WDFY1: variants seen among roughly 807,000 people sequenced by gnomAD.
The protein encoded by WDFY1 is WD repeat and FYVE domain-containing protein 1.
WDFY1 carries 32 observed loss-of-function variants against 56.4 expected under a neutral mutation model. The observed-to-expected ratio is 0.57, with a 90% CI of 0.43 to 0.76. The LOEUF is 0.76. Among genes scored for constraint, WDFY1 ranks in the 30% least tolerant of loss-of-function variants. The pLI is 0.00. For missense variants in WDFY1, 480 were observed against 545.7 expected (o/e 0.88, Z 1.20); for synonymous variants, 192 against 197.3 (o/e 0.97, Z 0.23).
intron 8 of WDFY1, among the ~76,000 whole-genome samples, chr2:223,888,935 G>A (rs1488160122): frequency 3.3e-5 from 4 of 121,064 alleles, no homozygotes; most frequent in African/African-American, 6.5e-5. Context: ...ATGGAGCCTC[G>A]CTCTGTCACC....
At chr2:223,933,807 A>G (rs1270447347) in intron 1 of WDFY1, among the ~76,000 whole-genome samples, 1 of 137,600 alleles carries the variant, frequency 7.3e-6, no homozygotes, top group Non-Finnish European at 1.6e-5. Context: ...ACAAAAAAAA[A>G]TCAAAAATTA....
At chr2:223,906,402 CAG>C (rs1693598960) in intron 3 of WDFY1, among the ~76,000 whole-genome samples, 1 of 152,192 alleles carries the variant, frequency 6.6e-6, no homozygotes. Context: ...ACAGTAAAAA[CAG>C]GGCACTGGGT....
Position 223,901,211 on chromosome 2 carries a change from A to T in WDFY1, c.457T>A (p.Phe153Ile). The T allele has an allele frequency of 6.2e-7, 1 of 1,614,124 alleles. No homozygotes were observed. Among genetic ancestry groups the T allele is most frequent in the Non-Finnish European group, 8.5e-7 (1 of 1,180,004 alleles). The part of the protein sequence containing the change: ...TRSGNMLGRH[F>I]FTSWASCLQY... Reference sequence around the variant, plus strand: ...AGACACGAAGCCCAGGACGTGAAGAAGTGCCTCCCGAGCATGTTCCCGCTC... The same window carrying T: ...AGACACGAAGCCCAGGACGTGAAGATGTGCCTCCCGAGCATGTTCCCGCTC... Residue 153 changes from phenylalanine (F) to isoleucine (I), a missense_variant, in exon 5 of 12, where the codon TTC becomes ATC. Transcript: ENST00000233055.
chr2:223,925,474 C>T (rs1693963981), intron 1 of WDFY1, among the ~76,000 whole-genome samples: 1 of 152,150 alleles, frequency 6.6e-6, no homozygotes, highest in Admixed American at 6.6e-5. Flanking sequence ...GAGGGGTAAT[C>T]ATTTTGCTGG....
At chr2:223,924,717 T>G (rs1057363209) in intron 1 of WDFY1, among the ~76,000 whole-genome samples, 10 of 152,216 alleles carry the variant, frequency 6.6e-5, no homozygotes, top group African/African-American at 1.9e-4. Context: ...TCATTTATTT[T>G]CCAAGTAAAT....
chr2:223,921,375 T>C (rs1693882246), intron 1 of WDFY1, among the ~76,000 whole-genome samples: 1 of 152,098 alleles, frequency 6.6e-6, no homozygotes, highest in Non-Finnish European at 1.5e-5. Flanking sequence ...CATGGGAACA[T>C]ACTGAGCACC....
At chr2:223,912,453 T>G in intron 2 of WDFY1, 127 bp from the exon 3 acceptor site, 1 of 597,860 alleles carries the variant, frequency 1.7e-6, no homozygotes, top group Non-Finnish European at 2.7e-6. Context: ...AAAAACGTTT[T>G]ATACAAATTA....
chr2:223,877,385 T>C lies in WDFY1; in HGVS notation c.*1286A>G, dbSNP rs561889704. ...TTTTTATATTTGTCCTTTAAAAAGG[T>C]AGGCCCTTCTCCACTTACTTCCATA... On this transcript the variant is annotated 3_prime_UTR_variant, in exon 12 of 12. Coordinates refer to ENST00000233055, the MANE Select transcript of WDFY1 (RefSeq NM_020830.5). 1 of 152,158 alleles carries C rather than the reference T, an allele frequency of 6.6e-6. No homozygotes were observed. Among genetic ancestry groups the C allele is most frequent in the Non-Finnish European group, 1.5e-5 (1 of 68,000 alleles). The allele number at this position is 152,158 out of a possible 1,614,324, so 9.4% of individuals were successfully genotyped here. A position where few individuals can be genotyped will look rare whatever the true frequency, so the allele number is the denominator to read the frequency against.
chr2:223,941,375 A>G (rs537804578), intron 1 of WDFY1, among the ~76,000 whole-genome samples: 1 of 152,130 alleles, frequency 6.6e-6, no homozygotes, highest in East Asian at 1.9e-4. Context: ...GGTCACTTAG[A>G]AATAGCTATG....
chr2:223,929,652 T>A (rs1297044984), intron 1 of WDFY1, among the ~76,000 whole-genome samples: 1 of 151,980 alleles, frequency 6.6e-6, no homozygotes, highest in African/African-American at 2.4e-5. Context: ...TAAAAAAAAT[T>A]TAAAAAAATA....
chr2:223,908,693 T>C (rs1693642354), intron 3 of WDFY1, among the ~76,000 whole-genome samples: 1 of 152,176 alleles, frequency 6.6e-6, no homozygotes, highest in South Asian at 2.1e-4. Context: ...CTGACGTCTA[T>C]GTTCAGGGAA....
In WDFY1 at chr2:223,907,912, T is replaced by A. The variant is rs904639756; in HGVS notation, c.280-1911A>T. Among the ~76,000 whole-genome samples, 3 of 151,182 alleles carry A rather than the reference T, an allele frequency of 2.0e-5. No individual in the cohort carries two copies. In the South Asian group the frequency reaches 6.3e-4, roughly 32 times the overall value. On this transcript the variant is annotated intron_variant, in intron 3 of 11. Transcript: ENST00000233055. The stretch of plus-strand genomic sequence containing the variant: ...TCTTGTTCTGCCATCCAGGCTGGAG[T>A]GCAGTGGTGCAATCTCTGCTCACTG...
intron 8 of WDFY1, among the ~76,000 whole-genome samples, chr2:223,890,963 G>C (rs1346693992): frequency 6.6e-6 from 1 of 152,198 alleles, no homozygotes; most frequent in Admixed American, 6.5e-5. Context: ...TGAAGCCACA[G>C]TGGGTAGTAA....
intron 1 of WDFY1, among the ~76,000 whole-genome samples, chr2:223,933,346 ATTTTT>A (rs35417214): frequency 2.7e-5 from 4 of 147,066 alleles, no homozygotes; most frequent in African/African-American, 2.5e-5. Context: ...AAACCTGCAG[ATTTTT>A]TTTTTTTTTT....
chr2:223,933,132 A>G (rs562427784), intron 1 of WDFY1, among the ~76,000 whole-genome samples: 304 of 45,496 alleles, frequency 6.7e-3, no homozygotes, highest in Non-Finnish European at 0.019. Flanking sequence ...AACCAGCCTC[A>G]TTTTGTAGAG....
rs1311918221 is a variant in WDFY1, at chr2:223,876,621, T to C, written c.*2050A>G. The C allele has an allele frequency of 6.6e-6, 1 of 152,190 alleles. No individual in the cohort carries two copies. Among genetic ancestry groups the C allele is most frequent in the Non-Finnish European group, 1.5e-5 (1 of 68,022 alleles). The allele number at this position is 152,190 out of a possible 1,614,324, so 9.4% of individuals were successfully genotyped here. ...CTTAGGAGGCACTATAATAACTTTA[T>C]GTTCCCATGGAACATAGGGTTTTTC... On this transcript the variant is annotated 3_prime_UTR_variant, in exon 12 of 12. Coordinates refer to ENST00000233055, the MANE Select transcript of WDFY1 (RefSeq NM_020830.5).
At chr2:223,904,135 C>CATT (rs1380551053) in intron 4 of WDFY1, among the ~76,000 whole-genome samples, 1 of 152,184 alleles carries the variant, frequency 6.6e-6, no homozygotes, top group East Asian at 1.9e-4. Flanking sequence ...AATGCTAGTA[C>CATT]ATTACTCAGT....
chr2:223,911,566 CCACA>C (rs58131865), intron 3 of WDFY1, among the ~76,000 whole-genome samples: 9,391 of 135,898 alleles, frequency 0.069, 365 homozygotes, highest in Middle Eastern at 0.077. Flanking sequence ...AGCTGAATGA[CCACA>C]CACACACACA....
At chr2:223,927,584 G>C (rs555845902) in intron 1 of WDFY1, among the ~76,000 whole-genome samples, 1 of 152,294 alleles carries the variant, frequency 6.6e-6, no homozygotes, top group East Asian at 1.9e-4. Flanking sequence ...GTTGTGGCTG[G>C]TCTGATCTTC....
Sources: allele counts gnomAD v4.1 joint callset (sites outside exome capture counted in the v4.1 genomes callset), GRCh38; gene constraint gnomAD v4.1.1; transcripts MANE v1.5; gene names NCBI Gene and HGNC (gene_info 2026-07-23, HGNC 2026-07-21).